The following AP1S3 variants were observed in gnomAD, a reference collection of about 807,000 sequenced individuals.
AP1S3 encodes adaptor related protein complex 1 subunit sigma 3.
In AP1S3, 10 loss-of-function variants were observed where a neutral mutation model predicts 20.9. That is an observed-to-expected ratio of 0.48 (90% confidence interval 0.29 to 0.81). The LOEUF is 0.81. AP1S3 is among the 30% of genes least tolerant of loss of function. AP1S3 has a pLI of 0.08. For synonymous variants in AP1S3, 41 were observed against 61.5 expected (o/e 0.67, Z 1.56); for missense variants, 154 against 183.8 (o/e 0.84, Z 0.94).
intron 1 of AP1S3, among the ~76,000 whole-genome samples, chr2:223,805,142 C>T (rs932053667): frequency 1.3e-5 from 2 of 152,174 alleles, no homozygotes; most frequent in Non-Finnish European, 2.9e-5. Context: ...ACCACTGCAG[C>T]TTTAGCATGT....
intron 1 of AP1S3, among the ~76,000 whole-genome samples, chr2:223,807,867 CTTTTTTTTTT>C (rs138805104): frequency 2.3e-5 from 1 of 43,220 alleles, no homozygotes; most frequent in Non-Finnish European, 3.8e-5. Flanking sequence ...CATTTCTTTT[CTTTTTTTTTT>C]TTTTTTTTTT....
At position 223,756,055 on chromosome 2, in the gene AP1S3, T is replaced by A. The variant is rs1255406108; in HGVS notation, c.*2660A>T. The stretch of plus-strand genomic sequence containing the variant: ...AAAATTGTATTGAAAAATAAAGAAT[T>A]TGGCCGGGTGCAGCGGCTCATGCCT... On this transcript the variant is annotated 3_prime_UTR_variant, in exon 5 of 5. Transcript: ENST00000396654. 2 of 985,264 alleles carry A rather than the reference T, an allele frequency of 2.0e-6. No individual in the cohort carries two copies. The highest frequency in any genetic ancestry group is 1.7e-5 in the African/African-American group (1 of 57,214). 61.0% of individuals were successfully genotyped at this position (985,264 alleles called of 1,614,324 possible). A position where few individuals can be genotyped will look rare whatever the true frequency, so the allele number is the denominator to read the frequency against.
rs888973494 is a variant in AP1S3 at position 223,756,129 on chromosome 2, G to A, written c.*2586C>T. On this transcript the variant is annotated 3_prime_UTR_variant, in exon 5 of 5. Transcript: ENST00000396654. ...CAAGGCGGGCGGATCACCTGAGGTC[G>A]GCGTTCAAGACCAGCCTGACCAACA... 3.3e-5 allele frequency: 25 copies of A among 766,096 alleles called. No homozygotes were observed. Among genetic ancestry groups the A allele is most frequent in the Non-Finnish European group, 2.5e-5 (16 of 630,064 alleles). 47.5% of individuals were successfully genotyped at this position (766,096 alleles called of 1,614,324 possible). A position where few individuals can be genotyped will look rare whatever the true frequency, so the allele number is the denominator to read the frequency against.
At chr2:223,832,658 T>G (rs1692300165) in intron 1 of AP1S3, among the ~76,000 whole-genome samples, 1 of 152,128 alleles carries the variant, frequency 6.6e-6, no homozygotes, top group South Asian at 2.1e-4. Flanking sequence ...ACATGCTTAT[T>G]ACAATTCATT....
Position 223,758,324 on chromosome 2 carries a change from CA to C in AP1S3, c.*390del. ...CATTTAGAAAAAGTATTAATGACAT[CA>C]TATATACTTTACATTCAAAATCATG... On this transcript the variant is annotated 3_prime_UTR_variant, in exon 5 of 5. Coordinates refer to ENST00000396654, the MANE Select transcript of AP1S3 (RefSeq NM_001039569.2). The C allele has an allele frequency of 1.0e-6, 1 of 986,026 alleles. No individual in the cohort carries two copies. 61.1% of individuals were successfully genotyped at this position (986,026 alleles called of 1,614,324 possible). A position where few individuals can be genotyped will look rare whatever the true frequency, so the allele number is the denominator to read the frequency against.
intron 1 of AP1S3, 109 bp from the exon 2 acceptor site, chr2:223,777,978 G>C: frequency 2.0e-6 from 2 of 990,084 alleles, no homozygotes; most frequent in Non-Finnish European, 2.8e-6. Context: ...AATTCTGAAC[G>C]GATGAAAAAA....
intron 1 of AP1S3, among the ~76,000 whole-genome samples, chr2:223,796,578 C>T (rs1274072145): frequency 2.6e-5 from 4 of 152,144 alleles, no homozygotes; most frequent in Non-Finnish European, 5.9e-5. Flanking sequence ...CAATGGTCTT[C>T]TGATCATGTA....
chr2:223,788,387 C>G (rs1018426654), intron 1 of AP1S3, among the ~76,000 whole-genome samples: 3 of 150,890 alleles, frequency 2.0e-5, no homozygotes, highest in African/African-American at 7.3e-5. Context: ...CCGAGGCGGG[C>G]ACATCACCTG....
Position 223,837,513 on chromosome 2 carries a change from A to G in AP1S3, c.-63T>C, listed in dbSNP as rs1012636801. 7.3e-5 allele frequency: 87 copies of G among 1,194,578 alleles called. No homozygotes were observed. Among genetic ancestry groups the G allele is most frequent in the Non-Finnish European group, 8.4e-5 (79 of 944,716 alleles). The allele number at this position is 1,194,578 out of a possible 1,614,324, so 74.0% of individuals were successfully genotyped here. ...GGAGCGCTGGAGAAGCGAGGGCGAG[A>G]GGCGAGCGCTGGAGCCGGTGCGGCT... On this transcript the variant is annotated 5_prime_UTR_variant, in exon 1 of 5. Transcript: ENST00000396654.
chr2:223,780,037 C>T (rs1488775780), intron 1 of AP1S3, among the ~76,000 whole-genome samples: 3 of 151,818 alleles, frequency 2.0e-5, no homozygotes, highest in Non-Finnish European at 2.9e-5. Flanking sequence ...TAAATCATTA[C>T]AACCCACTAG....
intron 1 of AP1S3, among the ~76,000 whole-genome samples, chr2:223,799,714 TTC>T (rs1559138088): frequency 6.6e-6 from 1 of 152,172 alleles, no homozygotes; most frequent in African/African-American, 2.4e-5. Context: ...ACTCACAAAA[TTC>T]TAGCATTAGA....
chr2:223,789,033 G>A (rs1217019678), intron 1 of AP1S3, among the ~76,000 whole-genome samples: 4 of 152,054 alleles, frequency 2.6e-5, no homozygotes, highest in East Asian at 3.9e-4. Flanking sequence ...AGAACTGCCT[G>A]TCAGCATTTT....
At chr2:223,827,171 C>T (rs955645383) in intron 1 of AP1S3, among the ~76,000 whole-genome samples, 1 of 152,132 alleles carries the variant, frequency 6.6e-6, no homozygotes, top group Non-Finnish European at 1.5e-5. Flanking sequence ...ACTAGATTAT[C>T]GTGAGACGGA....
At chr2:223,831,928 T>A (rs1364216039) in intron 1 of AP1S3, among the ~76,000 whole-genome samples, 1 of 151,834 alleles carries the variant, frequency 6.6e-6, no homozygotes, top group African/African-American at 2.4e-5. Context: ...TACAAAAAAA[T>A]TAGCTGGGCA....
chr2:223,781,054 CTGTGT>C (rs138043798), intron 1 of AP1S3, among the ~76,000 whole-genome samples: 5,156 of 152,004 alleles, frequency 0.034, 168 homozygotes, highest in East Asian at 0.16. Context: ...TTTTCTGTTC[CTGTGT>C]TAATTCCCTT....
intron 1 of AP1S3, among the ~76,000 whole-genome samples, chr2:223,801,454 T>C (rs1025271289): frequency 3.9e-5 from 6 of 152,050 alleles, no homozygotes; most frequent in Admixed American, 3.9e-4. Flanking sequence ...AATGAGAAGG[T>C]AGCTCTCTTT....
intron 4 of AP1S3, among the ~76,000 whole-genome samples, chr2:223,764,884 G>C (rs929925474): frequency 2.6e-5 from 4 of 152,138 alleles, no homozygotes; most frequent in Non-Finnish European, 5.9e-5. Context: ...AATGTGAAGA[G>C]CAAAGACTCT....
chr2:223,835,457 C>T (rs909623406), intron 1 of AP1S3, among the ~76,000 whole-genome samples: 1 of 152,086 alleles, frequency 6.6e-6, no homozygotes, highest in African/African-American at 2.4e-5. Flanking sequence ...GAGTTTGAGA[C>T]CAGCCTGGCC....
intron 1 of AP1S3, among the ~76,000 whole-genome samples, chr2:223,809,144 C>A: frequency 6.6e-6 from 1 of 152,228 alleles, no homozygotes; most frequent in East Asian, 1.9e-4. Flanking sequence ...CACTCCCCTG[C>A]ACAAAACTTC....
Sources: allele counts gnomAD v4.1 joint callset (sites outside exome capture counted in the v4.1 genomes callset), GRCh38; gene constraint gnomAD v4.1.1; transcripts MANE v1.5; gene names NCBI Gene and HGNC (gene_info 2026-07-23, HGNC 2026-07-21).